The following FNDC3A variants were observed in gnomAD, a reference collection of about 807,000 sequenced individuals.
FNDC3A encodes fibronectin type III domain containing 3A.
FNDC3A carries 32 observed loss-of-function variants against 148.9 expected under a neutral mutation model. The observed-to-expected ratio is 0.21, with a 90% CI of 0.16 to 0.29. FNDC3A has a LOEUF of 0.29. Ranked by LOEUF, FNDC3A falls within the 10% of genes least tolerant of loss-of-function variation. The pLI, the probability that FNDC3A is intolerant of heterozygous loss-of-function variation, is 1.00. For missense variants in FNDC3A, 1,191 were observed against 1,452.8 expected, an observed-to-expected ratio of 0.82 and a Z score of 2.93; for synonymous variants, 472 against 473.6, an observed-to-expected ratio of 1.00 and a Z score of 0.04.
intron 2 of FNDC3A, among the ~76,000 whole-genome samples, chr13:49,036,586 G>T (rs1050174351): frequency 2.0e-5 from 3 of 152,102 alleles, no homozygotes; most frequent in Admixed American, 6.5e-5. Flanking sequence ...AAAACAGATC[G>T]ATGTCTAAAT....
At chr13:49,093,280 G>T (rs1302588297) in intron 3 of FNDC3A, among the ~76,000 whole-genome samples, 1 of 151,988 alleles carries the variant, frequency 6.6e-6, no homozygotes, top group Non-Finnish European at 1.5e-5. Context: ...CTTATTTTAG[G>T]CATATAACAA....
chr13:49,013,821 C>G (rs2137619795), intron 2 of FNDC3A, among the ~76,000 whole-genome samples: 1 of 147,808 alleles, frequency 6.8e-6, no homozygotes, highest in African/African-American at 2.5e-5. Flanking sequence ...TTGTTCAATT[C>G]CCACCTATGA....
chr13:49,036,773 G>A (rs762097767), intron 2 of FNDC3A, among the ~76,000 whole-genome samples: 6 of 152,172 alleles, frequency 3.9e-5, no homozygotes, highest in Non-Finnish European at 8.8e-5. Flanking sequence ...TTTGCTTTAG[G>A]ATGGCAGAAT....
chr13:49,197,588 T>C, intron 20 of FNDC3A, 137 bp from the exon 21 acceptor site: 1 of 667,934 alleles, frequency 1.5e-6, no homozygotes, highest in Non-Finnish European at 2.5e-6. Context: ...AATTGAACAG[T>C]TTTGATTGTG....
At chr13:49,054,157 A>G (rs762808542) in intron 2 of FNDC3A, among the ~76,000 whole-genome samples, 37 of 152,198 alleles carry the variant, frequency 2.4e-4, no homozygotes, top group Non-Finnish European at 5.0e-4. Context: ...TTTCAGGTTC[A>G]GTTGGGTCCT....
At chr13:49,093,284 A>G (rs753292554) in intron 3 of FNDC3A, among the ~76,000 whole-genome samples, 2 of 152,250 alleles carry the variant, frequency 1.3e-5, no homozygotes, top group Admixed American at 6.5e-5. Context: ...TTTTAGGCAT[A>G]TAACAATAGA....
Position 49,175,361 on chromosome 13 carries a change from C to G in FNDC3A, c.1356-6C>G. 6.5e-7 allele frequency: 1 copy of G among 1,548,204 alleles called. No individual in the cohort carries two copies. Among genetic ancestry groups the G allele is most frequent in the Non-Finnish European group, 8.7e-7 (1 of 1,147,174 alleles). Reference sequence around the variant, plus strand: ...TCATGCCTTTTAAAACCATTTGTTTCAACAGTGGTTTTAGTGAAGAAGTCT... The same window carrying G: ...TCATGCCTTTTAAAACCATTTGTTTGAACAGTGGTTTTAGTGAAGAAGTCT... On this transcript the variant is annotated splice_polypyrimidine_tract_variant and splice_region_variant and intron_variant, in intron 12 of 25. Transcript: ENST00000492622.
chr13:49,137,593 C>T (rs1485198224), intron 6 of FNDC3A, among the ~76,000 whole-genome samples: 2 of 152,224 alleles, frequency 1.3e-5, no homozygotes, highest in Admixed American at 1.3e-4. Flanking sequence ...AGTCCACCCA[C>T]CTTGACCTTC....
At chr13:49,139,151 G>T (rs1882551755) in intron 7 of FNDC3A, among the ~76,000 whole-genome samples, 2 of 152,162 alleles carry the variant, frequency 1.3e-5, no homozygotes. Flanking sequence ...AGGAGAGGTT[G>T]TTAGGTTAAA....
At position 49,126,274 on chromosome 13, in the gene FNDC3A, GTT is replaced by G. The variant is rs10562562; in HGVS notation, c.253-4857_253-4856del. Among the ~76,000 whole-genome samples, 4 of 150,058 alleles carry G rather than the reference GTT, an allele frequency of 2.7e-5. No individual in the cohort carries two copies. In the East Asian group the frequency reaches 7.8e-4, roughly 29 times the overall value. On this transcript the variant is annotated intron_variant, in intron 4 of 25. Coordinates refer to ENST00000492622, the MANE Select transcript of FNDC3A (RefSeq NM_001079673.2). ...TTAGGTTTGGGGGTTTTTTTTGTTT[GTT>G]TTTTTAATTGTGGTAAAACACACAT...
At chr13:49,093,848 A>G (rs1566245315) in intron 3 of FNDC3A, among the ~76,000 whole-genome samples, 1 of 152,174 alleles carries the variant, frequency 6.6e-6, no homozygotes, top group Non-Finnish European at 1.5e-5. Flanking sequence ...AAAAAGTGCC[A>G]TTTAGCTTTA....
At chr13:49,020,166 A>G (rs1242497466) in intron 2 of FNDC3A, among the ~76,000 whole-genome samples, 1 of 152,236 alleles carries the variant, frequency 6.6e-6, no homozygotes, top group Non-Finnish European at 1.5e-5. Context: ...CATTTAAAAT[A>G]AAATTTATTG....
At chr13:49,191,187 C>A in intron 18 of FNDC3A, 22 bp from the exon 19 acceptor site, 1 of 1,604,936 alleles carries the variant, frequency 6.2e-7, no homozygotes, top group Non-Finnish European at 8.5e-7. Flanking sequence ...TGTTAAATTG[C>A]ATTAATCTTT....
At chr13:49,133,506 T>G (rs1427922777) in intron 5 of FNDC3A, among the ~76,000 whole-genome samples, 1 of 152,214 alleles carries the variant, frequency 6.6e-6, no homozygotes, top group Non-Finnish European at 1.5e-5. Context: ...CATGTTGTAC[T>G]TGAGGTTATA....
chr13:49,190,425 G>A (rs1885825043), intron 17 of FNDC3A, among the ~76,000 whole-genome samples: 2 of 152,294 alleles, frequency 1.3e-5, no homozygotes, highest in African/African-American at 4.8e-5. Context: ...CTGGACGTGG[G>A]AGGATTGCTT....
chr13:49,164,865 C>T (rs796147345), intron 8 of FNDC3A, among the ~76,000 whole-genome samples: 27 of 152,324 alleles, frequency 1.8e-4, no homozygotes, highest in African/African-American at 4.6e-4. Flanking sequence ...CTCGGCCTCC[C>T]GAAGTTTATC....
chr13:49,042,653 T>G (rs949150622), intron 2 of FNDC3A, among the ~76,000 whole-genome samples: 2 of 152,068 alleles, frequency 1.3e-5, no homozygotes, highest in African/African-American at 4.8e-5. Context: ...ATGCCTGTGG[T>G]CCCAGCTGTA....
intron 2 of FNDC3A, among the ~76,000 whole-genome samples, chr13:49,055,753 G>A (rs1319640111): frequency 1.3e-5 from 2 of 152,004 alleles, no homozygotes; most frequent in Non-Finnish European, 2.9e-5. Flanking sequence ...ACATGTATTT[G>A]ATTGATGTTT....
chr13:49,161,805 G>A (rs1193020594), intron 8 of FNDC3A, among the ~76,000 whole-genome samples: 1 of 152,136 alleles, frequency 6.6e-6, no homozygotes, highest in Non-Finnish European at 1.5e-5. Context: ...GCCTGGTGGT[G>A]ACAGAATCTC....
Sources: gnomAD v4.1 joint callset for allele counts (sites outside exome capture counted in the v4.1 genomes callset) on GRCh38, gnomAD v4.1.1 for gene constraint, MANE v1.5 for transcripts, NCBI Gene and HGNC (gene_info 2026-07-23, HGNC 2026-07-21) for gene names.